Variants in ASH1L observed in about 807,000 individuals in gnomAD.
ASH1L encodes ASH1 like histone lysine methyltransferase.
Under a neutral mutation model 269.0 loss-of-function variants are expected in ASH1L, and 23 were observed. That is an observed-to-expected ratio of 0.09 (90% CI 0.06 to 0.12). The LOEUF (loss-of-function observed/expected upper bound fraction) is 0.12, where lower values mean the gene tolerates loss of function less well. ASH1L is among the 10% of genes least tolerant of loss of function. ASH1L has a pLI of 1.00. For missense variants in ASH1L, 2,912 were observed against 3,567.8 expected, an observed-to-expected ratio of 0.82 and a Z score of 4.68; for synonymous variants, 1,187 against 1,253.5, an observed-to-expected ratio of 0.95 and a Z score of 1.12.
intron 12 of ASH1L, among the ~76,000 whole-genome samples, chr1:155,368,315 G>A (rs1019742676): frequency 6.6e-6 from 1 of 151,916 alleles, no homozygotes; most frequent in Admixed American, 6.6e-5. Flanking sequence ...CTTTAAGTAT[G>A]TGGAAGAATT....
chr1:155,441,969 GT>G (rs1662617153), intron 4 of ASH1L, among the ~76,000 whole-genome samples: 1 of 151,928 alleles, frequency 6.6e-6, no homozygotes, highest in Non-Finnish European at 1.5e-5. Context: ...GTTTTGCCAT[GT>G]TGCCTAGGCT....
chr1:155,502,071 C>CTTTTTTTTTTT (rs769262562), intron 2 of ASH1L, among the ~76,000 whole-genome samples: 9 of 126,408 alleles, frequency 7.1e-5, no homozygotes, highest in African/African-American at 8.7e-5. Flanking sequence ...CTTTTCTTTT[C>CTTTTTTTTTTT]TTTTTTTTTT....
chr1:155,412,518 G>A (rs1443362939), intron 6 of ASH1L, among the ~76,000 whole-genome samples: 1 of 152,170 alleles, frequency 6.6e-6, no homozygotes, highest in Non-Finnish European at 1.5e-5. Context: ...CCCAAGGAGG[G>A]AATGAAAGCT....
At chr1:155,463,033 G>A (rs775178721) in intron 3 of ASH1L, among the ~76,000 whole-genome samples, 14 of 152,176 alleles carry the variant, frequency 9.2e-5, no homozygotes, top group Non-Finnish European at 1.8e-4. Flanking sequence ...GATGTTCAAA[G>A]TATGTTAAAA....
At chr1:155,512,755 A>T (rs528554826) in intron 2 of ASH1L, among the ~76,000 whole-genome samples, 5 of 151,892 alleles carry the variant, frequency 3.3e-5, no homozygotes, top group Non-Finnish European at 7.4e-5. Flanking sequence ...AAAAAAACAC[A>T]TATCAAGCTG....
chr1:155,560,867 C>T (rs905492702), intron 1 of ASH1L, among the ~76,000 whole-genome samples: 3 of 152,104 alleles, frequency 2.0e-5, no homozygotes, highest in African/African-American at 4.8e-5. Flanking sequence ...GCATTTCATA[C>T]AGGTCAGACT....
At chr1:155,393,780 G>A (rs983240968) in intron 7 of ASH1L, among the ~76,000 whole-genome samples, 4 of 151,932 alleles carry the variant, frequency 2.6e-5, no homozygotes, top group Non-Finnish European at 4.4e-5. Context: ...TCTCAATCTC[G>A]TGACCTCGTG....
chr1:155,367,080 G>A (rs903925223), intron 12 of ASH1L, among the ~76,000 whole-genome samples: 5 of 134,590 alleles, frequency 3.7e-5, no homozygotes, highest in Admixed American at 8.9e-5. Context: ...TACAACCTCC[G>A]CCTCCCAGGT....
At chr1:155,410,825 T>C (rs1013929376) in intron 6 of ASH1L, among the ~76,000 whole-genome samples, 57 of 150,570 alleles carry the variant, frequency 3.8e-4, no homozygotes, top group Non-Finnish European at 1.5e-4. Flanking sequence ...AGGTTGGTCT[T>C]GAACTCCTGG....
intron 1 of ASH1L, among the ~76,000 whole-genome samples, chr1:155,550,027 C>CTT (rs34769708): frequency 4.7e-5 from 7 of 148,824 alleles, no homozygotes; most frequent in African/African-American, 1.5e-4. Context: ...ACGATAGCCT[C>CTT]TTTTTTTTTT....
chr1:155,347,826 C>G lies in ASH1L; in HGVS notation c.7633G>C (p.Ala2545Pro). The G allele has an allele frequency of 6.2e-7, 1 of 1,614,240 alleles. No homozygotes were observed. The highest frequency in any genetic ancestry group is 8.5e-7 in the Non-Finnish European group (1 of 1,180,042). Residue 2545 changes from alanine to proline, a missense_variant, in exon 20 of 28, where the codon GCA becomes CCA. Ala to Pro is a conservative substitution (Grantham distance 27). Coordinates refer to ENST00000392403, the MANE Select transcript of ASH1L (RefSeq NM_018489.3). ...ACAATCTCATCAATCTGGGCTGATG[C>G]CTCATGCCGGGCATTGTAATAGGCC... ...RKAYYNARHE[A>P]SAQIDEIVGE...
At chr1:155,453,210 C>G (rs1663620080) in intron 4 of ASH1L, among the ~76,000 whole-genome samples, 2 of 152,048 alleles carry the variant, frequency 1.3e-5, no homozygotes, top group African/African-American at 4.8e-5. Flanking sequence ...CAAAACTTAG[C>G]CAGGCGTGGT....
intron 2 of ASH1L, among the ~76,000 whole-genome samples, chr1:155,490,154 T>G (rs977095113): frequency 6.6e-6 from 1 of 151,412 alleles, no homozygotes; most frequent in Non-Finnish European, 1.5e-5. Flanking sequence ...TTAGTAGATA[T>G]GGGGTTTCAC....
At chr1:155,563,022 C>T (rs1392195418), upstream of ASH1L, 2 of 458,588 alleles carry the variant, frequency 4.4e-6, no homozygotes, top group Admixed American at 2.3e-5. Flanking sequence ...TCGGGGCTTG[C>T]CGTTTGACTG....
At chr1:155,363,048 A>C (rs1049223441) in intron 12 of ASH1L, among the ~76,000 whole-genome samples, 1 of 151,566 alleles carries the variant, frequency 6.6e-6, no homozygotes, top group South Asian at 2.1e-4. Flanking sequence ...TAATGGCGGG[A>C]ACTTGGCTCA....
At position 155,479,456 on chromosome 1, in the gene ASH1L, T is replaced by C. The variant is rs771215444; in HGVS notation, c.3414A>G (p.Leu1138=). The change falls in exon 3 of 28, where the codon TTA becomes TTG. Residue 1138 remains leucine (L), a synonymous_variant. Coordinates refer to ENST00000392403, the MANE Select transcript of ASH1L (RefSeq NM_018489.3). ...GAATCATACTGCCCTGTCTGGAGTG[T>C]AAATGCAAATATGGCACTGAACTGG... The part of the protein sequence containing the change: ...VEPSSVPYLH[L]HSRQGSMIQT... 2.5e-5 allele frequency: 40 copies of C among 1,614,078 alleles called. No homozygotes were observed. The South Asian group carries it at 4.1e-4, about 16-fold the overall frequency.
chr1:155,439,047 C>A lies in ASH1L; in HGVS notation c.5108G>T (p.Ser1703Ile), dbSNP rs766279309. ...ATCCCCAGAAGCAACTAATCTTGGA[C>A]TTCGAGAGGGAACTCCGTTTACTGA... is the stretch of plus-strand genomic sequence containing the variant. ...SSTVNGVPSR[S>I]PRLVASGDDS... Residue 1703 changes from serine (S) to isoleucine (I), a missense_variant, in exon 5 of 28, where the codon AGT becomes ATT. Transcript: ENST00000392403. 6.2e-7 allele frequency: 1 copy of A among 1,607,380 alleles called. No homozygotes were observed. Among genetic ancestry groups the A allele is most frequent in the Non-Finnish European group, 8.5e-7 (1 of 1,176,824 alleles).
intron 10 of ASH1L, among the ~76,000 whole-genome samples, chr1:155,371,791 T>TCC (rs1655972494): frequency 6.6e-6 from 1 of 151,494 alleles, no homozygotes; most frequent in Non-Finnish European, 1.5e-5. Context: ...CTTCCCAGGT[T>TCC]CAAGAGATTC....
chr1:155,369,836 C>G (rs1655775381), intron 12 of ASH1L, among the ~76,000 whole-genome samples: 1 of 152,138 alleles, frequency 6.6e-6, no homozygotes, highest in Non-Finnish European at 1.5e-5. Flanking sequence ...CTGGTGTGAT[C>G]TCAGCTCACT....
Sources: gnomAD v4.1 joint callset for allele counts (sites outside exome capture counted in the v4.1 genomes callset) on GRCh38, gnomAD v4.1.1 for gene constraint, MANE v1.5 for transcripts, NCBI Gene and HGNC (gene_info 2026-07-23, HGNC 2026-07-21) for gene names.